Variants in DNAH5 observed in about 807,000 individuals in gnomAD.
DNAH5 encodes axonemal beta dynein heavy chain 5.
DNAH5 carries 372 observed loss-of-function variants against 518.2 expected under a neutral mutation model. That is an observed-to-expected ratio of 0.72 (90% CI 0.66 to 0.78). DNAH5 has a LOEUF of 0.78. DNAH5 is among the 30% of genes least tolerant of loss of function. The pLI is 0.00. For synonymous variants in DNAH5, 2,039 were observed against 2,025.9 expected (o/e 1.01, Z -0.17); for missense variants, 5,523 against 5,687.0 (o/e 0.97, Z 0.93).
intron 1 of DNAH5, among the ~76,000 whole-genome samples, chr5:14,002,817 T>C (rs1784453687): frequency 6.6e-6 from 1 of 151,812 alleles, no homozygotes; most frequent in Non-Finnish European, 1.5e-5. Flanking sequence ...CTTTCAAATG[T>C]ACTTACTTTT....
chr5:13,729,545 T>C lies in DNAH5; in HGVS notation c.11777A>G (p.Asp3926Gly), dbSNP rs111239561. 6.2e-7 allele frequency: 1 copy of C among 1,613,204 alleles called. No individual in the cohort carries two copies. Among genetic ancestry groups the C allele is most frequent in the Non-Finnish European group, 8.5e-7 (1 of 1,179,350 alleles). The stretch of plus-strand genomic sequence containing the variant: ...TGGTTTTGGAGGACAAGCTTTAAGG[T>C]CTAATGAGGCACCTCCTTTAAAATT... ...LTLIKGGASL[D>G]LKACPPKPSK... Residue 3926 changes from aspartate (D) to glycine (G), a missense_variant, in exon 69 of 79, where the codon GAC becomes GGC. Transcript: ENST00000265104.
chr5:13,691,656 A>G lies in DNAH5; in HGVS notation c.*328T>C. On this transcript the variant is annotated 3_prime_UTR_variant, in exon 79 of 79. Coordinates refer to ENST00000265104, the MANE Select transcript of DNAH5 (RefSeq NM_001369.3). ...TTAACAGAAGAATAATTCCTCCCAG[A>G]GAAATACTGTCTGCTTACCCTAGTC... 1 of 294,670 alleles carries G rather than the reference A, an allele frequency of 3.4e-6. No individual in the cohort carries two copies. Among genetic ancestry groups the G allele is most frequent in the South Asian group, 3.8e-5 (1 of 26,530 alleles). The allele number at this position is 294,670 out of a possible 1,614,324, so 18.3% of individuals were successfully genotyped here.
Position 13,716,598 on chromosome 5 carries a change from T to C in DNAH5, c.12798A>G (p.Thr4266=), listed in dbSNP as rs756952171. 14 of 1,613,644 alleles carry C rather than the reference T, an allele frequency of 8.7e-6. No individual in the cohort carries two copies. The Admixed American group carries it at 2.3e-4, about 27-fold the overall frequency. ...TDDYDKRLLN[T]FAKVWFSENM... ...TTTCACTGAACCAAACCTTAGCAAA[T>C]GTGTTCAACAATCTCTTATCATAGT... is the stretch of plus-strand genomic sequence containing the variant. The change falls in exon 74 of 79, where the codon ACA becomes ACG. Residue 4266 remains threonine, a synonymous_variant. Transcript: ENST00000265104.
At chr5:13,948,201 G>A (rs1220875327), upstream of DNAH5, among the ~76,000 whole-genome samples, 1 of 152,232 alleles carries the variant, frequency 6.6e-6, no homozygotes, top group African/African-American at 2.4e-5. Context: ...CAGGAAGGAT[G>A]TTAGTAGATT....
At chr5:13,692,870 C>G (rs1740885839) in intron 78 of DNAH5, among the ~76,000 whole-genome samples, 1 of 152,232 alleles carries the variant, frequency 6.6e-6, no homozygotes, top group South Asian at 2.1e-4. Context: ...ACCCCATACT[C>G]AGAGACAGGT....
Position 13,867,955 on chromosome 5 carries a change from A to T in DNAH5, c.3872T>A (p.Ile1291Lys). The change falls in exon 25 of 79, where the codon ATA (isoleucine) becomes AAA (lysine). Residue 1291 changes from isoleucine (I) to lysine (K), a missense_variant. Ile to Lys is a moderately radical substitution (Grantham distance 102, BLOSUM62 -3). Transcript: ENST00000265104. ...YALLNRYGLLIAREEIDKVDT... is the reference protein window; with the variant it reads ...YALLNRYGLLKAREEIDKVDT... Reference sequence around the variant, plus strand: ...AACTTTGTCTATCTCTTCCCTTGCTATCAGAAGTCCATATCTGTTAAGCAG... The same window carrying T: ...AACTTTGTCTATCTCTTCCCTTGCTTTCAGAAGTCCATATCTGTTAAGCAG... The T allele has an allele frequency of 6.2e-7, 1 of 1,613,994 alleles. No homozygotes were observed. The highest frequency in any genetic ancestry group is 8.5e-7 in the Non-Finnish European group (1 of 1,179,960).
rs339445 is a variant in DNAH5 at position 13,944,403 on chromosome 5, A to C, written c.36T>G (p.His12Gln). 1,514,101 of 1,613,616 alleles carry C rather than the reference A, an allele frequency of 0.94. 710,864 individuals are homozygous for C. Among genetic ancestry groups the C allele is most frequent in the Admixed American group, 0.95 (56,949 of 59,998 alleles). ...FRIGRRQLWKHSVTRVLTQRL... is the reference protein window; with the variant it reads ...FRIGRRQLWKQSVTRVLTQRL... ...TTACCGTTAAAACTCGAGTGACGCTATGCTTCCAGAGCTGTCTCCTCCCAA... is the reference window on the plus strand; with the variant it reads ...TTACCGTTAAAACTCGAGTGACGCTCTGCTTCCAGAGCTGTCTCCTCCCAA... Residue 12 changes from histidine to glutamine, a missense_variant, in exon 1 of 79, where the codon CAT becomes CAG. His to Gln is a conservative substitution (Grantham distance 24). Coordinates refer to ENST00000265104, the MANE Select transcript of DNAH5 (RefSeq NM_001369.3).
intron 47 of DNAH5, among the ~76,000 whole-genome samples, chr5:13,799,661 C>T (rs72732631): frequency 0.023 from 3,472 of 152,224 alleles, 75 homozygotes; most frequent in Non-Finnish European, 0.031. Context: ...GTAAGACCTC[C>T]TGAAGGCCTG....
chr5:13,981,016 C>T (rs1372957314), intron 1 of DNAH5, among the ~76,000 whole-genome samples: 1 of 152,200 alleles, frequency 6.6e-6, no homozygotes, highest in Non-Finnish European at 1.5e-5. Context: ...CTTCTGATCC[C>T]CACTATATAA....
chr5:13,924,903 T>C (rs1777703709), intron 3 of DNAH5, among the ~76,000 whole-genome samples: 1 of 152,216 alleles, frequency 6.6e-6, no homozygotes, highest in African/African-American at 2.4e-5. Flanking sequence ...TGTTCTTACC[T>C]GCCCAAGAAA....
chr5:13,898,169 C>G (rs76018689), intron 15 of DNAH5: 2,194 of 162,196 alleles, frequency 0.014, 58 homozygotes, highest in African/African-American at 0.05. Flanking sequence ...ATACATGGAA[C>G]AGAAGAATCA....
chr5:13,790,070 G>C (rs1756710837), intron 50 of DNAH5, among the ~76,000 whole-genome samples: 1 of 152,194 alleles, frequency 6.6e-6, no homozygotes, highest in Non-Finnish European at 1.5e-5. Flanking sequence ...CAAGGTTGCA[G>C]AGAAAAGAGA....
intron 57 of DNAH5, 36 bp downstream of exon 57, chr5:13,769,464 CA>C: frequency 6.5e-7 from 1 of 1,536,348 alleles, no homozygotes; most frequent in Non-Finnish European, 9.0e-7. Flanking sequence ...ACTGAGAATT[CA>C]AAAGGAATGT....
chr5:13,841,723 A>G lies in DNAH5; in HGVS notation c.5453T>C (p.Leu1818Pro). Residue 1818 changes from leucine to proline, a missense_variant, in exon 33 of 79, where the codon CTA becomes CCA. Transcript: ENST00000265104. The part of the protein sequence containing the change: ...AANIQETGFQ[L>P]TEFLSSFPAQ... Reference sequence around the variant, plus strand: ...AGGGAAGGATGAAAGAAATTCAGTTAGTTGGAAACCTGTTTCTTGAATATT... The same window carrying G: ...AGGGAAGGATGAAAGAAATTCAGTTGGTTGGAAACCTGTTTCTTGAATATT... 4 of 1,613,808 alleles carry G rather than the reference A, an allele frequency of 2.5e-6. No homozygotes were observed. The highest frequency in any genetic ancestry group is 3.3e-4 in the Middle Eastern group (2 of 6,060).
chr5:13,978,648 G>A (rs1371719453), intron 1 of DNAH5, among the ~76,000 whole-genome samples: 3 of 152,058 alleles, frequency 2.0e-5, no homozygotes, highest in South Asian at 2.1e-4. Flanking sequence ...ACTTACCATC[G>A]TGTTACAGCT....
chr5:13,699,809 C>T (rs1741852063), intron 78 of DNAH5, among the ~76,000 whole-genome samples: 1 of 152,092 alleles, frequency 6.6e-6, no homozygotes, highest in Admixed American at 6.5e-5. Context: ...TCAGTACTTC[C>T]TTGGGATCCA....
chr5:13,692,019 G>A lies in DNAH5; in HGVS notation c.13840C>T (p.Leu4614Phe), dbSNP rs1279008897. The A allele has an allele frequency of 3.1e-6, 5 of 1,614,014 alleles. No individual in the cohort carries two copies. The East Asian group carries it at 8.9e-5, about 29-fold the overall frequency. Reference sequence around the variant, plus strand: ...TCACACAGAAGGGCAACCCCACGGAGCACCCAGTGTTCAGGGGTCTGGGCT... The same window carrying A: ...TCACACAGAAGGGCAACCCCACGGAACACCCAGTGTTCAGGGGTCTGGGCT... ...RTAQTPEHWV[L>F]RGVALLCDVK The change falls in exon 79 of 79, where the codon CTC (leucine) becomes TTC (phenylalanine). Residue 4614 changes from leucine (L) to phenylalanine (F), a missense_variant. Physicochemically the swap from Leu to Phe is conservative, Grantham distance 22 (BLOSUM62 0). Coordinates refer to ENST00000265104, the MANE Select transcript of DNAH5 (RefSeq NM_001369.3).
In DNAH5 at chr5:13,830,621, G is replaced by A. The variant is rs1273352530; in HGVS notation, c.6037C>T (p.Arg2013Ter). Reference sequence around the variant, plus strand: ...CCCTTAAAAATCCGTCCAAGTCCTCGGAAATCCATCTGGTCTGAACAATTG... The same window carrying A: ...CCCTTAAAAATCCGTCCAAGTCCTCAGAAATCCATCTGGTCTGAACAATTG... Reference protein sequence around the residue: ...VFNCSDQMDFRGLGRIFKGLA... With the variant: ...VFNCSDQMDF The change falls in exon 36 of 79, where the codon CGA (arginine) becomes TGA (stop). Residue 2013 changes from arginine (R) to a stop codon, truncating the protein, a stop_gained. Transcript: ENST00000265104. LOFTEE classifies it high-confidence loss of function. 3 of 1,614,080 alleles carry A rather than the reference G, an allele frequency of 1.9e-6. No homozygotes were observed. The highest frequency in any genetic ancestry group is 2.5e-6 in the Non-Finnish European group (3 of 1,180,028).
chr5:13,970,401 G>A (rs1781789279), intron 1 of DNAH5, among the ~76,000 whole-genome samples: 1 of 151,592 alleles, frequency 6.6e-6, no homozygotes, highest in Non-Finnish European at 1.5e-5. Flanking sequence ...TGAGATTTAT[G>A]TTTTCTGGAG....
Sources: allele counts gnomAD v4.1 joint callset (sites outside exome capture counted in the v4.1 genomes callset), GRCh38; gene constraint gnomAD v4.1.1; transcripts MANE v1.5; gene names NCBI Gene and HGNC (gene_info 2026-07-23, HGNC 2026-07-21).